The following SPECC1 variants were observed in gnomAD, a reference collection of about 807,000 sequenced individuals.
The protein encoded by SPECC1 is cytospin-B.
In SPECC1, 62 loss-of-function variants were observed where a neutral mutation model predicts 104.1. The ratio of observed to expected loss-of-function variants is 0.60; its 90% confidence interval spans 0.49 to 0.74. The LOEUF (loss-of-function observed/expected upper bound fraction) is 0.74, where lower values mean the gene tolerates loss of function less well. SPECC1 is among the 30% of genes least tolerant of loss of function. The probability of loss-of-function intolerance (pLI) is 0.00; values close to 1 mark genes in which losing one functional copy is unlikely to be tolerated. For synonymous variants in SPECC1, 513 were observed against 501.6 expected, an observed-to-expected ratio of 1.02 and a Z score of -0.30; for missense variants, 1,306 against 1,310.5, an observed-to-expected ratio of 1.00 and a Z score of 0.05.
chr17:20,036,136 T>C (rs1439297756), intron 1 of SPECC1, among the ~76,000 whole-genome samples: 1 of 149,356 alleles, frequency 6.7e-6, no homozygotes, highest in Non-Finnish European at 1.5e-5. Context: ...AAAGTCATGC[T>C]TTATTTTATT....
chr17:20,247,132 CA>C (rs1567981558), intron 8 of SPECC1, 86 bp from the exon 9 acceptor site: 38 of 1,062,736 alleles, frequency 3.6e-5, no homozygotes, highest in South Asian at 9.6e-5. Context: ...CTTAAGCCAC[CA>C]AAAAAAGTAA....
At chr17:20,112,342 T>G in intron 3 of SPECC1, 2 of 756,654 alleles carry the variant, frequency 2.6e-6, no homozygotes, top group South Asian at 2.7e-5. Context: ...GAAGCAAGAT[T>G]TTTTGTATTG....
intron 2 of SPECC1, among the ~76,000 whole-genome samples, chr17:20,098,779 T>C (rs2047777558): frequency 6.6e-6 from 1 of 152,222 alleles, no homozygotes; most frequent in Non-Finnish European, 1.5e-5. Context: ...CCTTCTCTGC[T>C]CTTGATGCCA....
intron 7 of SPECC1, chr17:20,239,043 A>T: frequency 9.7e-7 from 1 of 1,032,882 alleles, no homozygotes. Flanking sequence ...TGTAAGTTGT[A>T]AATAGGAGGT....
intron 2 of SPECC1, among the ~76,000 whole-genome samples, chr17:20,102,647 G>C (rs549370801): frequency 6.6e-6 from 1 of 152,274 alleles, no homozygotes; most frequent in African/African-American, 2.4e-5. Flanking sequence ...CATTTTTACT[G>C]AATATTGTTC....
intron 3 of SPECC1, among the ~76,000 whole-genome samples, chr17:20,177,171 TA>T (rs931940061): frequency 2.6e-5 from 4 of 152,154 alleles, no homozygotes; most frequent in Non-Finnish European, 4.4e-5. Flanking sequence ...AATAGACTTG[TA>T]AAAAAAATCC....
At chr17:20,021,677 T>A (rs575007760) in intron 1 of SPECC1, among the ~76,000 whole-genome samples, 1 of 135,860 alleles carries the variant, frequency 7.4e-6, no homozygotes, top group East Asian at 2.1e-4. Context: ...ATATATATAA[T>A]ATAATAATAT....
At chr17:20,180,752 G>A (rs943874113) in intron 3 of SPECC1, among the ~76,000 whole-genome samples, 8 of 152,172 alleles carry the variant, frequency 5.3e-5, no homozygotes, top group Non-Finnish European at 1.0e-4. Context: ...CAGCCTGCCA[G>A]TTTTCAACCT....
At chr17:20,218,620 C>G (rs564332882) in intron 4 of SPECC1, among the ~76,000 whole-genome samples, 8 of 152,054 alleles carry the variant, frequency 5.3e-5, no homozygotes, top group Admixed American at 1.3e-4. Context: ...CTTCCTCCCC[C>G]CTCCCTTATT....
At chr17:20,229,535 G>T (rs961985315) in intron 5 of SPECC1, among the ~76,000 whole-genome samples, 1 of 152,150 alleles carries the variant, frequency 6.6e-6, no homozygotes, top group Non-Finnish European at 1.5e-5. Context: ...CTAGCCACGT[G>T]TGGTGGCGCA....
intron 12 of SPECC1, among the ~76,000 whole-genome samples, chr17:20,280,590 A>G (rs1598133465): frequency 6.6e-6 from 1 of 152,250 alleles, no homozygotes; most frequent in Non-Finnish European, 1.5e-5. Context: ...GTCCTGTAGA[A>G]CCCTCTGTGA....
intron 3 of SPECC1, among the ~76,000 whole-genome samples, chr17:20,162,285 A>G (rs992407447): frequency 6.6e-6 from 1 of 151,940 alleles, no homozygotes; most frequent in East Asian, 1.9e-4. Context: ...AGCTGGGACT[A>G]CAGGCACCTG....
intron 10 of SPECC1, among the ~76,000 whole-genome samples, chr17:20,255,267 G>A (rs2039784023): frequency 6.6e-6 from 1 of 152,176 alleles, no homozygotes; most frequent in Admixed American, 6.5e-5. Context: ...GAGAGTACGT[G>A]CTCCAGGAGA....
chr17:20,014,062 G>A (rs992708215), intron 1 of SPECC1, among the ~76,000 whole-genome samples: 1 of 151,872 alleles, frequency 6.6e-6, no homozygotes, highest in Non-Finnish European at 1.5e-5. Flanking sequence ...TTTCAGTACC[G>A]GTTGCACCAA....
At chr17:20,141,864 G>A (rs932667124) in intron 3 of SPECC1, among the ~76,000 whole-genome samples, 5 of 152,278 alleles carry the variant, frequency 3.3e-5, no homozygotes, top group South Asian at 2.1e-4. Flanking sequence ...ATTCAGTTAC[G>A]TAACTTTGTG....
intron 3 of SPECC1, among the ~76,000 whole-genome samples, chr17:20,198,036 C>T (rs1047735217): frequency 2.0e-4 from 31 of 152,196 alleles, no homozygotes; most frequent in African/African-American, 7.5e-4. Flanking sequence ...TCTGGGTTCC[C>T]TTTCCCTGAG....
At chr17:20,147,004 C>T (rs1295300967) in intron 3 of SPECC1, among the ~76,000 whole-genome samples, 1 of 152,018 alleles carries the variant, frequency 6.6e-6, no homozygotes. Context: ...TGTTGTTCTA[C>T]ATCCTTGCCA....
In SPECC1 at chr17:20,257,565, T is replaced by C. The variant is rs373553983; in HGVS notation, c.2795T>C (p.Leu932Pro). ...CTGGGCTTTGGGGACACAAGACTGC[T>C]GAGTGCTTCCACCCGGGCATGGAAA... Reference protein sequence around the residue: ...PSLGFGDTRLLSASTRAWKPQ... With the variant: ...PSLGFGDTRLPSASTRAWKPQ... Residue 932 changes from leucine (L) to proline (P), a missense_variant, in exon 11 of 15, where the codon CTG (leucine) becomes CCG (proline). Coordinates refer to ENST00000395527, the MANE Select transcript of SPECC1 (RefSeq NM_001243439.2). 4 of 1,613,372 alleles carry C rather than the reference T, an allele frequency of 2.5e-6. No individual in the cohort carries two copies. The African/African-American group carries it at 5.3e-5, about 22-fold the overall frequency.
chr17:20,061,824 C>A (rs187795769), intron 1 of SPECC1, among the ~76,000 whole-genome samples: 1 of 152,094 alleles, frequency 6.6e-6, no homozygotes, highest in African/African-American at 2.4e-5. Flanking sequence ...GCATTTTTGC[C>A]CTCTTGGAAC....
Sources: gnomAD v4.1 joint callset for allele counts (sites outside exome capture counted in the v4.1 genomes callset) on GRCh38, gnomAD v4.1.1 for gene constraint, MANE v1.5 for transcripts, NCBI Gene and HGNC (gene_info 2026-07-23, HGNC 2026-07-21) for gene names.